Variants in TNKS2 observed in about 807,000 individuals in gnomAD.
The protein encoded by TNKS2 is poly [ADP-ribose] polymerase tankyrase-2.
In TNKS2, 72 loss-of-function variants were observed where a neutral mutation model predicts 137.6. The observed-to-expected ratio is 0.52, with a 90% CI of 0.43 to 0.64. The LOEUF is 0.64. TNKS2 is among the 30% of genes least tolerant of loss of function. TNKS2 has a pLI of 0.00. For synonymous variants in TNKS2, 516 were observed against 512.1 expected, an observed-to-expected ratio of 1.01 and a Z score of -0.10; for missense variants, 1,049 against 1,410.2, an observed-to-expected ratio of 0.74 and a Z score of 4.10.
Position 91,842,254 on chromosome 10 carries a change from A to G in TNKS2, c.1922A>G (p.Asp641Gly). Reference protein sequence around the residue: ...LVKDGDTDIQDLLRGDAALLD... With the variant: ...LVKDGDTDIQGLLRGDAALLD... ...AAAGATGGAGATACAGATATTCAAGATCTGCTTAGGGGAGATGCAGCTTTG... is the reference window on the plus strand; with the variant it reads ...AAAGATGGAGATACAGATATTCAAGGTCTGCTTAGGGGAGATGCAGCTTTG... Residue 641 changes from aspartate (D) to glycine (G), a missense_variant, in exon 16 of 27, where the codon GAT becomes GGT. This residue lies in a region of TNKS2 where 328 missense variants were observed against 436.0 expected (regional missense o/e 0.75). Transcript: ENST00000371627. 1 of 1,614,082 alleles carries G rather than the reference A, an allele frequency of 6.2e-7. No individual in the cohort carries two copies. The highest frequency in any genetic ancestry group is 8.5e-7 in the Non-Finnish European group (1 of 1,179,988).
chr10:91,827,254 A>C (rs772445079), intron 8 of TNKS2, 51 bp downstream of exon 8: 2 of 1,314,798 alleles, frequency 1.5e-6, no homozygotes, highest in African/African-American at 3.0e-5. Flanking sequence ...CAATAAACTG[A>C]ACATTTTTTC....
intron 1 of TNKS2, chr10:91,812,654 C>A: frequency 2.3e-6 from 1 of 436,482 alleles, no homozygotes; most frequent in Non-Finnish European, 3.0e-6. Flanking sequence ...TGTATACATA[C>A]TAAATACGCA....
At chr10:91,831,345 A>G (rs1051164325) in intron 11 of TNKS2, among the ~76,000 whole-genome samples, 164 bp downstream of exon 11, 11 of 152,002 alleles carry the variant, frequency 7.2e-5, no homozygotes, top group East Asian at 3.9e-4. Context: ...TTCTATATCT[A>G]ATTTTTGCTA....
intron 21 of TNKS2, among the ~76,000 whole-genome samples, chr10:91,854,092 A>G (rs1051506106): frequency 6.6e-6 from 1 of 152,146 alleles, no homozygotes; most frequent in African/African-American, 2.4e-5. Flanking sequence ...GAGGTAAACA[A>G]TCTATTATGG....
At position 91,827,951 on chromosome 10, in the gene TNKS2, AAT is replaced by A. The variant is rs1324900320; in HGVS notation, c.983-331_983-330del. Reference sequence around the variant, plus strand: ...TACAGAGAAAAATTTTTGTGCTTGAAATATTCTAAAACCTCTCCAGTCTAGGA... The same window carrying A: ...TACAGAGAAAAATTTTTGTGCTTGAAATTCTAAAACCTCTCCAGTCTAGGA... On this transcript the variant is annotated intron_variant, in intron 8 of 26. Coordinates refer to ENST00000371627, the MANE Select transcript of TNKS2 (RefSeq NM_025235.4). 2.6e-5 allele frequency among the ~76,000 whole-genome samples: 4 copies of A among 152,164 alleles called. No individual in the cohort carries two copies. In the East Asian group the frequency reaches 7.7e-4, roughly 29 times the overall value.
At chr10:91,836,208 A>G (rs2133644317) in intron 12 of TNKS2, among the ~76,000 whole-genome samples, 1 of 151,776 alleles carries the variant, frequency 6.6e-6, no homozygotes, top group East Asian at 1.9e-4. Flanking sequence ...ATTACCTGAC[A>G]TATTTTTCCA....
chr10:91,819,610 A>G, intron 5 of TNKS2, 53 bp downstream of exon 5: 1 of 1,330,576 alleles, frequency 7.5e-7, no homozygotes, highest in Non-Finnish European at 1.0e-6. Flanking sequence ...CATGAAGATA[A>G]AGATGTGTTT....
chr10:91,842,417 T>G, intron 16 of TNKS2, 26 bp downstream of exon 16: 1 of 1,598,098 alleles, frequency 6.3e-7, no homozygotes, highest in Non-Finnish European at 8.6e-7. Context: ...TTCACAGATT[T>G]AGGCTGGTAA....
In TNKS2 at chr10:91,865,377, A is replaced by G. The variant is rs888513574; in HGVS notation, c.*2378A>G. The G allele has an allele frequency of 3.3e-5, 5 of 152,582 alleles. No individual in the cohort carries two copies. Among genetic ancestry groups the G allele is most frequent in the Admixed American group, 6.5e-5 (1 of 15,272 alleles). The allele number at this position is 152,582 out of a possible 1,614,324, so 9.5% of individuals were successfully genotyped here. On this transcript the variant is annotated 3_prime_UTR_variant, in exon 27 of 27. Transcript: ENST00000371627. ...AATAAACCACAATTGCAGGAAAACA[A>G]TGTAGTTCTGAGTCTAATAGTGATA...
chr10:91,818,557 G>C (rs894306009), intron 3 of TNKS2, among the ~76,000 whole-genome samples: 1 of 151,946 alleles, frequency 6.6e-6, no homozygotes, highest in Non-Finnish European at 1.5e-5. Context: ...TGTGTATCAA[G>C]GCCTCACTCT....
chr10:91,848,722 T>G, intron 19 of TNKS2, 87 bp downstream of exon 19: 1 of 1,442,166 alleles, frequency 6.9e-7, no homozygotes, highest in Non-Finnish European at 9.5e-7. Context: ...TTTTTAACCT[T>G]AAATACAAGG....
At chr10:91,826,675 A>T (rs563488514) in intron 7 of TNKS2, among the ~76,000 whole-genome samples, 1 of 152,322 alleles carries the variant, frequency 6.6e-6, no homozygotes, top group South Asian at 2.1e-4. Flanking sequence ...TCACAGATAT[A>T]TACATTTGTC....
At chr10:91,849,935 A>G (rs1770469) in intron 20 of TNKS2, among the ~76,000 whole-genome samples, 27,679 of 152,220 alleles carry the variant, frequency 0.18, 2,612 homozygotes, top group Middle Eastern at 0.28. Flanking sequence ...TATGCCAGCC[A>G]TATCTGGGCT....
chr10:91,800,205 C>T (rs369029971), intron 1 of TNKS2, among the ~76,000 whole-genome samples: 2 of 152,304 alleles, frequency 1.3e-5, no homozygotes, highest in East Asian at 1.9e-4. Context: ...TTAAGTCAAA[C>T]ACACCTAGTT....
Position 91,812,967 on chromosome 10 carries a change from A to G in TNKS2, c.200-16A>G, listed in dbSNP as rs1844557210. The G allele has an allele frequency of 1.2e-6, 2 of 1,613,100 alleles. No homozygotes were observed. The highest frequency in any genetic ancestry group is 1.7e-6 in the Non-Finnish European group (2 of 1,179,376). ...TCCTTGTTGAACTTACGTGTGGACAATTTGTTTTCATCTAGGTTTTGGGCG... is the reference window on the plus strand; with the variant it reads ...TCCTTGTTGAACTTACGTGTGGACAGTTTGTTTTCATCTAGGTTTTGGGCG... On this transcript the variant is annotated splice_polypyrimidine_tract_variant and intron_variant, in intron 1 of 26. Transcript: ENST00000371627.
intron 13 of TNKS2, among the ~76,000 whole-genome samples, chr10:91,840,238 G>C (rs899901441): frequency 6.6e-6 from 1 of 152,136 alleles, no homozygotes; most frequent in Non-Finnish European, 1.5e-5. Context: ...TGCTCGGGAG[G>C]CTGAGGCAGG....
intron 2 of TNKS2, among the ~76,000 whole-genome samples, chr10:91,814,095 G>A (rs181785602): frequency 8.6e-4 from 131 of 152,250 alleles, no homozygotes; most frequent in Non-Finnish European, 1.4e-3. Flanking sequence ...TGTTCCAGAA[G>A]AAGACATTAT....
At chr10:91,835,984 C>T (rs1447071865) in intron 12 of TNKS2, among the ~76,000 whole-genome samples, 1 of 143,336 alleles carries the variant, frequency 7.0e-6, no homozygotes, top group Non-Finnish European at 1.5e-5. Flanking sequence ...TCAAAGTACT[C>T]CTTTCATAAG....
chr10:91,819,894 C>A, intron 5 of TNKS2, 45 bp from the exon 6 acceptor site: 3 of 1,414,508 alleles, frequency 2.1e-6, no homozygotes, highest in South Asian at 1.4e-5. Flanking sequence ...ACATTTTATT[C>A]AACCATTATT....
Sources: gnomAD v4.1 joint callset for allele counts (sites outside exome capture counted in the v4.1 genomes callset) on GRCh38, gnomAD v4.1.1 for gene constraint, gnomAD v4.1.1 regional missense constraint, MANE v1.5 for transcripts, NCBI Gene and HGNC (gene_info 2026-07-23, HGNC 2026-07-21) for gene names.